Variants in ZBTB4 observed in about 807,000 individuals in gnomAD.
The protein encoded by ZBTB4 is zinc finger and BTB domain containing 4.
ZBTB4 carries 14 observed loss-of-function variants against 59.8 expected under a neutral mutation model. The observed-to-expected ratio is 0.23, with a 90% CI of 0.15 to 0.37. The LOEUF is 0.37. Ranked by LOEUF, ZBTB4 falls within the 10% of genes least tolerant of loss-of-function variation. ZBTB4 has a pLI of 1.00. For missense variants in ZBTB4, 1,198 were observed against 1,380.8 expected, an observed-to-expected ratio of 0.87 and a Z score of 2.10; for synonymous variants, 587 against 575.2, an observed-to-expected ratio of 1.02 and a Z score of -0.29.
chr17:7,477,589 A>G (rs920949437), intron 1 of ZBTB4, among the ~76,000 whole-genome samples: 33 of 152,134 alleles, frequency 2.2e-4, no homozygotes, highest in African/African-American at 7.7e-4. Context: ...ACACCCCTAG[A>G]AGGGCCCAGT....
rs765253545 is a variant in ZBTB4 at position 7,466,281 on chromosome 17, C to T, written c.521G>A (p.Arg174His). The stretch of plus-strand genomic sequence containing the variant: ...ACCTCCCTCCCCCAGGCCCTGAAGG[C>T]GGGAGATGCCCAGACGGCGCCCCAA... ...GALGRRLGIS[R>H]LQGLGEGGDA... Residue 174 changes from arginine (R) to histidine (H), a missense_variant, in exon 3 of 4, where the codon CGC becomes CAC. Transcript: ENST00000380599. This position sits in a 1 kb window ranked among gnomAD's most constrained non-coding sequence, Gnocchi z 9.1. The T allele has an allele frequency of 3.7e-6, 6 of 1,613,128 alleles. No homozygotes were observed. The highest frequency in any genetic ancestry group is 2.2e-5 in the East Asian group (1 of 44,870).
chr17:7,474,141 T>A (rs2150862906), intron 1 of ZBTB4, among the ~76,000 whole-genome samples: 1 of 151,116 alleles, frequency 6.6e-6, no homozygotes, highest in South Asian at 2.1e-4. Flanking sequence ...GGTCTCGAAC[T>A]CCTGACCTCA....
chr17:7,463,853 A>G lies in ZBTB4; in HGVS notation c.1129T>C (p.Tyr377His). 6.2e-7 allele frequency: 1 copy of G among 1,613,934 alleles called. No individual in the cohort carries two copies. Among genetic ancestry groups the G allele is most frequent in the Non-Finnish European group, 8.5e-7 (1 of 1,179,942 alleles). Residue 377 changes from tyrosine (Y) to histidine (H), a missense_variant, in exon 4 of 4, where the codon TAC becomes CAC. Tyr to His is a moderately conservative substitution (Grantham distance 83). Coordinates refer to ENST00000380599, the MANE Select transcript of ZBTB4 (RefSeq NM_001128833.2). ...CIFCWETFVT[Y>H]YNLKTHQRAF... The stretch of plus-strand genomic sequence containing the variant: ...CGCTGGTGGGTCTTCAGGTTATAGT[A>G]AGTGACAAAGGTCTCCCAACAGAAG...
In ZBTB4 at chr17:7,461,931, C is replaced by A. The variant is rs745811486; in HGVS notation, c.*9G>T. On this transcript the variant is annotated 3_prime_UTR_variant, in exon 4 of 4. Transcript: ENST00000380599. ...GGCATCTGGTGAAAGGGGGATTGAG[C>A]CCCAGGGTTCACCCCACATCGCCCT... 9.2e-6 allele frequency: 14 copies of A among 1,527,414 alleles called. No individual in the cohort carries two copies. The highest frequency in any genetic ancestry group is 1.1e-5 in the Non-Finnish European group (13 of 1,136,118). The allele number at this position is 1,527,414 out of a possible 1,614,324, so 94.6% of individuals were successfully genotyped here.
rs1567686335 is a variant in ZBTB4, at chr17:7,465,835, T to C, written c.967A>G (p.Ser323Gly). The change falls in exon 3 of 4, where the codon AGT becomes GGT. Residue 323 changes from serine to glycine, a missense_variant. Physicochemically the swap from Ser to Gly is moderately conservative, Grantham distance 56 (BLOSUM62 0). Around this residue, in one of 9 missense-constraint regions of ZBTB4, gnomAD observed 11 missense variants for 57.5 expected, o/e 0.19. Transcript: ENST00000380599. Reference sequence around the variant, plus strand: ...TGTACATTGCTGTGTCTCTTCAGACTGGACAGGGTCACGTAGGAACGCTCG... The same window carrying C: ...TGTACATTGCTGTGTCTCTTCAGACCGGACAGGGTCACGTAGGAACGCTCG... ...ACERSYVTLS[S>G]LKRHSNVHSW... 1.2e-6 allele frequency: 2 copies of C among 1,614,114 alleles called. No individual in the cohort carries two copies. The highest frequency in any genetic ancestry group is 1.7e-6 in the Non-Finnish European group (2 of 1,180,054).
upstream of ZBTB4, chr17:7,483,385 C>G (rs1399515428): frequency 1.4e-5 from 4 of 294,304 alleles, no homozygotes; most frequent in African/African-American, 4.4e-5. Flanking sequence ...GGGAGGGGAG[C>G]GTGCCTCCCC....
rs1415278903 is a variant in ZBTB4, at chr17:7,479,588, G to C, written c.-213C>G. 4 of 166,638 alleles carry C rather than the reference G, an allele frequency of 2.4e-5. No individual in the cohort carries two copies. Among genetic ancestry groups the C allele is most frequent in the Non-Finnish European group, 5.0e-5 (4 of 80,768 alleles). The allele number at this position is 166,638 out of a possible 1,614,324, so 10.3% of individuals were successfully genotyped here. On this transcript the variant is annotated 5_prime_UTR_variant, in exon 1 of 4. Coordinates refer to ENST00000380599, the MANE Select transcript of ZBTB4 (RefSeq NM_001128833.2). Reference sequence around the variant, plus strand: ...CCTGGCCCCCCCAGCGCCTGGCCCCGGCCCGGCCCCGCTGCCGCCGCCGCC... The same window carrying C: ...CCTGGCCCCCCCAGCGCCTGGCCCCCGCCCGGCCCCGCTGCCGCCGCCGCC...
upstream of ZBTB4, chr17:7,482,180 A>C (rs1212031557): frequency 5.6e-6 from 9 of 1,613,880 alleles, no homozygotes; most frequent in Non-Finnish European, 7.6e-6. Flanking sequence ...CCAGGCTTCC[A>C]ACCTGCCCTC....
chr17:7,462,793 T>A lies in ZBTB4; in HGVS notation c.2189A>T (p.Asp730Val). ...CAGGGTGGTGAAGGTCTGGGCACAG[T>A]CCCCGCATCGGTGCCTCCGCTCTGT... The part of the protein sequence containing the change: ...ARTERRHRCG[D>V]CAQTFTTLRK... The change falls in exon 4 of 4, where the codon GAC becomes GTC. Residue 730 changes from aspartate (D) to valine (V), a missense_variant. By Grantham distance (152) the Asp-to-Val change is radical (BLOSUM62 -3). This residue lies in a region of ZBTB4 where 550 missense variants were observed against 541.8 expected (regional missense o/e 1.02). Coordinates refer to ENST00000380599, the MANE Select transcript of ZBTB4 (RefSeq NM_001128833.2). This position sits in a 1 kb window ranked among gnomAD's most constrained non-coding sequence, Gnocchi z 7.5. 1 of 1,602,434 alleles carries A rather than the reference T, an allele frequency of 6.2e-7. No individual in the cohort carries two copies. Among genetic ancestry groups the A allele is most frequent in the Non-Finnish European group, 8.5e-7 (1 of 1,179,822 alleles).
upstream of ZBTB4, chr17:7,482,538 C>T (rs1555556420): frequency 2.0e-5 from 32 of 1,612,778 alleles, no homozygotes; most frequent in South Asian, 1.9e-4. Flanking sequence ...GAGGGGATCA[C>T]GGGTGTCTAC....
chr17:7,482,159 C>T (rs1330160287), upstream of ZBTB4: 2 of 1,614,160 alleles, frequency 1.2e-6, no homozygotes, highest in Admixed American at 1.7e-5. Context: ...CCCCCTTTCT[C>T]ATATGGCTTA....
upstream of ZBTB4, chr17:7,482,512 A>C (rs548321934): frequency 6.2e-7 from 1 of 1,613,196 alleles, no homozygotes; most frequent in African/African-American, 1.3e-5. Flanking sequence ...TGGGACCTGG[A>C]CTCTGGACAC....
chr17:7,480,067 C>CCA (rs1567693176), upstream of ZBTB4, among the ~76,000 whole-genome samples: 3 of 151,810 alleles, frequency 2.0e-5, no homozygotes, highest in East Asian at 5.8e-4. Flanking sequence ...CAGCCCTGGA[C>CCA]ACACACACAC....
rs759597062 is a variant in ZBTB4 at position 7,463,142 on chromosome 17, C to T, written c.1840G>A (p.Val614Ile). The change falls in exon 4 of 4, where the codon GTC (valine) becomes ATC (isoleucine). Residue 614 changes from valine (V) to isoleucine (I), a missense_variant. Physicochemically the swap from Val to Ile is conservative, Grantham distance 29. This residue lies in a region of ZBTB4 where 550 missense variants were observed against 541.8 expected (regional missense o/e 1.02). Coordinates refer to ENST00000380599, the MANE Select transcript of ZBTB4 (RefSeq NM_001128833.2). The part of the protein sequence containing the change: ...ITVRIGEEAI[V>I]KRRISETDLR... ...TCAGTCTCTGAGATGCGGCGCTTGA[C>T]GATGGCCTCCTCCCCTATTCGCACA... 12 of 1,607,970 alleles carry T rather than the reference C, an allele frequency of 7.5e-6. No homozygotes were observed. Among genetic ancestry groups the T allele is most frequent in the South Asian group, 2.2e-5 (2 of 90,554 alleles).
In ZBTB4 at chr17:7,465,880, G is replaced by A. The variant is rs149315929; in HGVS notation, c.922C>T (p.Leu308=). The part of the protein sequence containing the change: ...HVVKVVGGHV[L]YVCAACERSY... ...CGCTCGCAGGCCGCGCACACATACAGCACGTGGCCGCCCACCACCTTCACC... is the reference window on the plus strand; with the variant it reads ...CGCTCGCAGGCCGCGCACACATACAACACGTGGCCGCCCACCACCTTCACC... The change falls in exon 3 of 4, where the codon CTG becomes TTG. Residue 308 remains leucine, a synonymous_variant. Coordinates refer to ENST00000380599, the MANE Select transcript of ZBTB4 (RefSeq NM_001128833.2). The A allele has an allele frequency of 1.9e-5, 31 of 1,613,846 alleles. No individual in the cohort carries two copies. Among genetic ancestry groups the A allele is most frequent in the Non-Finnish European group, 2.4e-5 (28 of 1,179,808 alleles).
At chr17:7,472,336 G>A (rs188391086) in intron 1 of ZBTB4, among the ~76,000 whole-genome samples, 1,658 of 151,940 alleles carry the variant, frequency 0.011, 31 homozygotes, top group African/African-American at 0.037. Flanking sequence ...GATTACAGGC[G>A]CCTGCCACCA....
At chr17:7,476,223 C>T (rs1161386203) in intron 1 of ZBTB4, among the ~76,000 whole-genome samples, 1 of 152,218 alleles carries the variant, frequency 6.6e-6, no homozygotes, top group African/African-American at 2.4e-5. Context: ...CACTCCTGGG[C>T]TCAAAACCTC....
chr17:7,480,073 C>T (rs1338319627), upstream of ZBTB4, among the ~76,000 whole-genome samples: 3 of 152,106 alleles, frequency 2.0e-5, no homozygotes, highest in Admixed American at 1.3e-4. Flanking sequence ...TGGACACACA[C>T]ACACACCCTC....
intron 1 of ZBTB4, among the ~76,000 whole-genome samples, chr17:7,468,330 G>T (rs1054720666): frequency 6.6e-6 from 1 of 152,000 alleles, no homozygotes; most frequent in African/African-American, 2.4e-5. Flanking sequence ...ACGAGGTCAC[G>T]CCACTGCACT....
Sources: allele counts gnomAD v4.1 joint callset (sites outside exome capture counted in the v4.1 genomes callset), GRCh38; gene constraint gnomAD v4.1.1; regional missense constraint gnomAD v4.1.1; non-coding constraint Gnocchi (gnomAD v3.1); transcripts MANE v1.5; gene names NCBI Gene and HGNC (gene_info 2026-07-23, HGNC 2026-07-21).